The following TELO2 variants were observed in gnomAD, a reference collection of about 807,000 sequenced individuals.
TELO2 encodes the protein telomere maintenance 2.
In TELO2, 71 loss-of-function variants were observed where a neutral mutation model predicts 91.0. The ratio of observed to expected loss-of-function variants is 0.78; its 90% confidence interval spans 0.64 to 0.95. TELO2 has a LOEUF of 0.95. TELO2 is among the 40% of genes least tolerant of loss of function. TELO2 has a pLI of 0.00. For missense variants in TELO2, 1,183 were observed against 1,141.3 expected (o/e 1.04, Z -0.53); for synonymous variants, 584 against 518.9 (o/e 1.13, Z -1.71).
At position 1,505,386 on chromosome 16, in the gene TELO2, G is replaced by A. The variant is rs771375630; in HGVS notation, c.1843-24G>A. 133 of 1,592,000 alleles carry A rather than the reference G, an allele frequency of 8.4e-5. No homozygotes were observed. In the Middle Eastern group the frequency reaches 1.2e-3, roughly 15 times the overall value. On this transcript the variant is annotated intron_variant, in intron 15 of 20. Coordinates refer to ENST00000262319, the MANE Select transcript of TELO2 (RefSeq NM_016111.4). This position sits in a 1 kb window ranked among gnomAD's most constrained non-coding sequence, Gnocchi z 4.3. ...TGTTCTTCCCTGGAGCAGTGGCGAC[G>A]GCCCTGGGCCTGTCTCCCTCCAGGT...
Position 1,505,612 on chromosome 16 carries a change from C to A in TELO2, c.2034+11C>A. 6.2e-7 allele frequency: 1 copy of A among 1,608,604 alleles called. No homozygotes were observed. ...CAGCGGCTCTCCAAGGTTAGTGGCG[C>A]CTGGTCAGCTCCTCACGGGCATGGG... On this transcript the variant is annotated intron_variant, in intron 16 of 20. Coordinates refer to ENST00000262319, the MANE Select transcript of TELO2 (RefSeq NM_016111.4). This position sits in a 1 kb window ranked among gnomAD's most constrained non-coding sequence, Gnocchi z 4.3.
In TELO2 at chr16:1,501,690, GC is replaced by G; in HGVS notation, c.1394del (p.Pro465LeufsTer42). On this transcript the variant is annotated frameshift_variant, in exon 11 of 21. Transcript: ENST00000262319. LOFTEE classifies it high-confidence loss of function. ...CGTCCCTCGTTCCAGCCACGGCAGA[GC>G]CCCCTGCAGAGACCCCCGCAGAGAT... The part of the protein sequence containing the change: ...GTSLVPATAE[P>X]PAETPAEIVD... The G allele has an allele frequency of 1.9e-6, 3 of 1,611,126 alleles. No individual in the cohort carries two copies. The highest frequency in any genetic ancestry group is 1.3e-5 in the African/African-American group (1 of 74,936).
At chr16:1,504,636 C>A (rs1423584660) in intron 15 of TELO2, among the ~76,000 whole-genome samples, 3 of 138,924 alleles carry the variant, frequency 2.2e-5, no homozygotes, top group Non-Finnish European at 4.6e-5. Flanking sequence ...TGACTCACTG[C>A]AAGCTCCCCC....
intron 15 of TELO2, among the ~76,000 whole-genome samples, chr16:1,504,513 A>G (rs1299228393): frequency 6.6e-6 from 1 of 150,636 alleles, no homozygotes; most frequent in Non-Finnish European, 1.5e-5. Flanking sequence ...ATAAAGCAAA[A>G]AAGACTGAGA....
In TELO2 at chr16:1,510,209, G is replaced by A; in HGVS notation, c.*273G>A. On this transcript the variant is annotated 3_prime_UTR_variant, in exon 21 of 21. Transcript: ENST00000262319. ...GCTGCTGGCGGGGTTGACTCTTCCA[G>A]TGAGGGCAGAACCAGGCTGGCAGGA... The A allele has an allele frequency of 2.1e-6, 1 of 476,798 alleles. No individual in the cohort carries two copies. The allele number at this position is 476,798 out of a possible 1,614,324, so 29.5% of individuals were successfully genotyped here.
intron 11 of TELO2, 116 bp from the exon 12 acceptor site, chr16:1,501,931 C>T (rs1252660286): frequency 4.6e-5 from 69 of 1,489,038 alleles, no homozygotes; most frequent in Non-Finnish European, 5.8e-5. Context: ...CCACCGTAGG[C>T]GCAGGGGCCG....
chr16:1,498,982 G>A (rs1034562336), intron 5 of TELO2, among the ~76,000 whole-genome samples: 9 of 152,076 alleles, frequency 5.9e-5, no homozygotes, highest in African/African-American at 2.2e-4. Context: ...CAGGGAAGGA[G>A]GCTGTCGGGG....
rs1361530785 is a variant in TELO2 at position 1,497,260 on chromosome 16, C to CT, written c.683-99dup. 1.3e-5 allele frequency: 19 copies of CT among 1,489,864 alleles called. No homozygotes were observed. The highest frequency in any genetic ancestry group is 1.6e-5 in the Non-Finnish European group (18 of 1,112,462). The allele number at this position is 1,489,864 out of a possible 1,614,324, so 92.3% of individuals were successfully genotyped here. Reference sequence around the variant, plus strand: ...CCGTGGGATCTGGGGCTCAGCTGTGCTTACTGGGGAGCTGTGGGACTGTCC... The same window carrying CT: ...CCGTGGGATCTGGGGCTCAGCTGTGCTTTACTGGGGAGCTGTGGGACTGTCC... On this transcript the variant is annotated intron_variant, in intron 4 of 20. Transcript: ENST00000262319. The surrounding 1 kb of genome is among the most constrained non-coding windows in gnomAD (Gnocchi z 4.0).
At chr16:1,506,212 G>C in intron 16 of TELO2, 26 bp from the exon 17 acceptor site, 1 of 1,612,114 alleles carries the variant, frequency 6.2e-7, no homozygotes, top group South Asian at 1.1e-5. Flanking sequence ...CTGCACCTCC[G>C]TGATCGCTGT....
chr16:1,501,352 C>T (rs2039668622), intron 9 of TELO2, 68 bp from the exon 10 acceptor site: 14 of 1,537,354 alleles, frequency 9.1e-6, no homozygotes, highest in South Asian at 4.7e-5. Context: ...GAGTGGCTCC[C>T]GTGGCTCCGT....
In TELO2 at chr16:1,494,706, C is replaced by T; in HGVS notation, c.335+90C>T. On this transcript the variant is annotated intron_variant, in intron 2 of 20. Coordinates refer to ENST00000262319, the MANE Select transcript of TELO2 (RefSeq NM_016111.4). This position sits in a 1 kb window ranked among gnomAD's most constrained non-coding sequence, Gnocchi z 5.6. The stretch of plus-strand genomic sequence containing the variant: ...GACTGGACCAAGAGCCTCTCTAGTC[C>T]CTGTGAGGGGCTAGAGAGAGAGCCT... 1.5e-6 allele frequency: 2 copies of T among 1,326,342 alleles called. No individual in the cohort carries two copies. The highest frequency in any genetic ancestry group is 5.1e-5 in the Admixed American group (2 of 38,918). 82.2% of individuals were successfully genotyped at this position (1,326,342 alleles called of 1,614,324 possible).
Position 1,505,620 on chromosome 16 carries a change from G to A in TELO2, c.2034+19G>A, listed in dbSNP as rs1376112874. 1 of 1,601,638 alleles carries A rather than the reference G, an allele frequency of 6.2e-7. No homozygotes were observed. Among genetic ancestry groups the A allele is most frequent in the African/African-American group, 1.3e-5 (1 of 74,690 alleles). On this transcript the variant is annotated intron_variant, in intron 16 of 20. Transcript: ENST00000262319. The surrounding 1 kb of genome is among the most constrained non-coding windows in gnomAD (Gnocchi z 4.3). ...CTCCAAGGTTAGTGGCGCCTGGTCA[G>A]CTCCTCACGGGCATGGGGACCGTGG...
At chr16:1,503,768 G>C (rs968423369) in intron 15 of TELO2, among the ~76,000 whole-genome samples, 1 of 152,146 alleles carries the variant, frequency 6.6e-6, no homozygotes, top group Admixed American at 6.6e-5. Flanking sequence ...AAAGAGTTCT[G>C]GCGAGGGCGG....
chr16:1,499,676 C>T (rs889006702), intron 6 of TELO2, among the ~76,000 whole-genome samples: 16 of 152,170 alleles, frequency 1.1e-4, no homozygotes, highest in African/African-American at 3.6e-4. Context: ...TTATGACTCC[C>T]GTCCCCATGG....
chr16:1,502,903 C>T (rs1353699727), intron 14 of TELO2, 28 bp from the exon 15 acceptor site: 1 of 1,608,982 alleles, frequency 6.2e-7, no homozygotes. Context: ...GGTCCCGGAC[C>T]ACAGCAGCCT....
chr16:1,505,467 C>T lies in TELO2; in HGVS notation c.1900C>T (p.Gln634Ter). ...SRPGCLGRTP[Q>*]PGSPSPNTPC... is the part of the protein sequence containing the mutation. Reference sequence around the variant, plus strand: ...GCCTGGGTGCCTCGGGAGGACTCCCCAACCTGGCTCCCCAAGTCCCAACAC... The same window carrying T: ...GCCTGGGTGCCTCGGGAGGACTCCCTAACCTGGCTCCCCAAGTCCCAACAC... Residue 634 changes from glutamine (Q) to a stop codon, truncating the protein, a stop_gained, in exon 16 of 21, where the codon CAA becomes TAA. Coordinates refer to ENST00000262319, the MANE Select transcript of TELO2 (RefSeq NM_016111.4). LOFTEE classifies it high-confidence loss of function. The surrounding 1 kb of genome is among the most constrained non-coding windows in gnomAD (Gnocchi z 4.3). 3 of 1,613,148 alleles carry T rather than the reference C, an allele frequency of 1.9e-6. No individual in the cohort carries two copies. Among genetic ancestry groups the T allele is most frequent in the Non-Finnish European group, 2.5e-6 (3 of 1,180,008 alleles).
At chr16:1,508,111 G>A (rs983052488) in intron 20 of TELO2, among the ~76,000 whole-genome samples, 6 of 142,822 alleles carry the variant, frequency 4.2e-5, no homozygotes, top group Non-Finnish European at 7.7e-5. Context: ...GGGCCCCTCC[G>A]GCCGGTGCAG....
chr16:1,506,456 C>T, intron 17 of TELO2, 127 bp downstream of exon 17: 3 of 1,557,958 alleles, frequency 1.9e-6, no homozygotes, highest in Non-Finnish European at 2.6e-6. Context: ...TTTGCTGTGG[C>T]TTTTTGTAAG....
intron 20 of TELO2, among the ~76,000 whole-genome samples, chr16:1,508,550 G>A (rs1458226880): frequency 1.3e-5 from 2 of 152,254 alleles, no homozygotes; most frequent in African/African-American, 2.4e-5. Context: ...GGTCCCGGGT[G>A]ATACGGGTCC....
Sources: allele counts gnomAD v4.1 joint callset (sites outside exome capture counted in the v4.1 genomes callset), GRCh38; gene constraint gnomAD v4.1.1; non-coding constraint Gnocchi (gnomAD v3.1); transcripts MANE v1.5; gene names NCBI Gene and HGNC (gene_info 2026-07-23, HGNC 2026-07-21).